PRKCG: variants seen among roughly 807,000 people sequenced by gnomAD.
The protein encoded by PRKCG is protein kinase C gamma, also known as protein kinase C gamma type.
A neutral mutation model predicts 82.0 loss-of-function variants in PRKCG; 28 were observed. That is an observed-to-expected ratio of 0.34 (90% CI 0.25 to 0.47). The LOEUF (loss-of-function observed/expected upper bound fraction) is 0.47. Ranked by LOEUF, PRKCG falls within the 20% of genes least tolerant of loss-of-function variation. The pLI is 1.00. For missense variants in PRKCG, 640 were observed against 952.7 expected, an observed-to-expected ratio of 0.67 and a Z score of 4.32; for synonymous variants, 383 against 376.6, an observed-to-expected ratio of 1.02 and a Z score of -0.20.
chr19:53,904,811 A>G, intron 16 of PRKCG, 69 bp downstream of exon 16: 1 of 1,273,774 alleles, frequency 7.9e-7, no homozygotes, highest in Admixed American at 1.9e-5. Flanking sequence ...CTCTGTGCCT[A>G]TTAGAAAAAT....
At chr19:53,894,123 T>C (rs1025241332) in intron 9 of PRKCG, among the ~76,000 whole-genome samples, 3 of 151,798 alleles carry the variant, frequency 2.0e-5, no homozygotes, top group Non-Finnish European at 4.4e-5. Flanking sequence ...TGGAGTGCAG[T>C]GGTGCGATCT....
In PRKCG at chr19:53,884,083, T is replaced by G; in HGVS notation, c.203-78T>G. 1 of 1,415,438 alleles carries G rather than the reference T, an allele frequency of 7.1e-7. No homozygotes were observed. 87.7% of individuals were successfully genotyped at this position (1,415,438 alleles called of 1,614,324 possible). A position where few individuals can be genotyped will look rare whatever the true frequency, so the allele number is the denominator to read the frequency against. On this transcript the variant is annotated intron_variant, in intron 2 of 17. Coordinates refer to ENST00000263431, the MANE Select transcript of PRKCG (RefSeq NM_002739.5). This position sits in a 1 kb window ranked among gnomAD's most constrained non-coding sequence, Gnocchi z 4.6. Reference sequence around the variant, plus strand: ...CAGTGTCCGAGTTCCGCTCTCTCTTTCCAATTTTCTGTCTGCTGGGGTCTC... The same window carrying G: ...CAGTGTCCGAGTTCCGCTCTCTCTTGCCAATTTTCTGTCTGCTGGGGTCTC...
chr19:53,890,117 G>A, intron 5 of PRKCG, 100 bp downstream of exon 5: 3 of 1,296,310 alleles, frequency 2.3e-6, no homozygotes, highest in Non-Finnish European at 2.1e-6. Flanking sequence ...CCAAAGATGG[G>A]GCCACGCCTC....
In PRKCG at chr19:53,892,364, C is replaced by A; in HGVS notation, c.687-145C>A. 7.9e-7 allele frequency: 1 copy of A among 1,268,714 alleles called. No homozygotes were observed. Among genetic ancestry groups the A allele is most frequent in the Non-Finnish European group, 1.1e-6 (1 of 921,194 alleles). 78.6% of individuals were successfully genotyped at this position (1,268,714 alleles called of 1,614,324 possible). A position where few individuals can be genotyped will look rare whatever the true frequency, so the allele number is the denominator to read the frequency against. Reference sequence around the variant, plus strand: ...AGCCCTAGCTGGAGAGAGAGCCCGGCTGGGAAGGTCAGAGGTCGGAGACCG... The same window carrying A: ...AGCCCTAGCTGGAGAGAGAGCCCGGATGGGAAGGTCAGAGGTCGGAGACCG... On this transcript the variant is annotated intron_variant, in intron 6 of 17. Coordinates refer to ENST00000263431, the MANE Select transcript of PRKCG (RefSeq NM_002739.5). The surrounding 1 kb of genome is among the most constrained non-coding windows in gnomAD (Gnocchi z 5.9).
At position 53,893,080 on chromosome 19, in the gene PRKCG, C is replaced by G; in HGVS notation, c.909+5C>G. 1 of 1,613,160 alleles carries G rather than the reference C, an allele frequency of 6.2e-7. No homozygotes were observed. On this transcript the variant is annotated splice_donor_5th_base_variant and intron_variant, in intron 8 of 17. Coordinates refer to ENST00000263431, the MANE Select transcript of PRKCG (RefSeq NM_002739.5). ...AGCCTCCTCCAGAAGTTTGAGGTAC[C>G]CAGACCCTGGCTTCCTCAAGGGAGC...
chr19:53,896,009 G>A (rs535630503), intron 9 of PRKCG, among the ~76,000 whole-genome samples: 61 of 150,536 alleles, frequency 4.1e-4, no homozygotes, highest in Non-Finnish European at 7.7e-4. Flanking sequence ...GCAATGAGCC[G>A]AGATCGTGCC....
At chr19:53,896,745 A>G (rs921908491) in intron 9 of PRKCG, among the ~76,000 whole-genome samples, 1 of 152,204 alleles carries the variant, frequency 6.6e-6, no homozygotes, top group Non-Finnish European at 1.5e-5. Context: ...TGTAGCCTCA[A>G]TGAGGTAGGC....
chr19:53,901,622 C>G (rs558766918), intron 14 of PRKCG, among the ~76,000 whole-genome samples: 1 of 145,954 alleles, frequency 6.9e-6, no homozygotes, highest in Admixed American at 6.9e-5. Flanking sequence ...GAGGCTGAGG[C>G]GGGCGGATCA....
chr19:53,898,654 T>G lies in PRKCG; in HGVS notation c.1281+26T>G, dbSNP rs41303043. 45,946 of 1,551,426 alleles carry G rather than the reference T, an allele frequency of 0.03. 4,444 individuals carry two copies. In the African/African-American group the frequency reaches 0.31, roughly 10 times the overall value. ...GTAAGGATGGAGGGGGCGGAGGCTG[T>G]CCTCCGGGCCCTGCCTTATCCAGTT... On this transcript the variant is annotated intron_variant, in intron 11 of 17. Transcript: ENST00000263431.
intron 8 of PRKCG, 121 bp from the exon 9 acceptor site, chr19:53,893,241 G>A: frequency 7.5e-7 from 1 of 1,325,516 alleles, no homozygotes; most frequent in East Asian, 2.3e-5. Flanking sequence ...CCCAGGGTCT[G>A]ATGGGAATTA....
intron 9 of PRKCG, among the ~76,000 whole-genome samples, chr19:53,895,487 CAA>C (rs760577483): frequency 5.2e-3 from 330 of 62,872 alleles, no homozygotes; most frequent in African/African-American, 0.014. Flanking sequence ...GACTCTGTCT[CAA>C]AAAAAAAAAA....
In PRKCG at chr19:53,907,127, C is replaced by G; in HGVS notation, c.*232C>G. ...AGACTTGAGCGGAGCCCGATATTCT[C>G]CCTGACCTTAGCGTTCTGGACTCTG... On this transcript the variant is annotated 3_prime_UTR_variant, in exon 18 of 18. Coordinates refer to ENST00000263431, the MANE Select transcript of PRKCG (RefSeq NM_002739.5). 1.0e-6 allele frequency: 1 copy of G among 989,824 alleles called. No homozygotes were observed. The highest frequency in any genetic ancestry group is 1.5e-6 in the Non-Finnish European group (1 of 687,660). 61.3% of individuals were successfully genotyped at this position (989,824 alleles called of 1,614,324 possible).
At chr19:53,899,264 GA>G (rs2068744828) in intron 11 of PRKCG, among the ~76,000 whole-genome samples, 1 of 152,164 alleles carries the variant, frequency 6.6e-6, no homozygotes, top group East Asian at 1.9e-4. Flanking sequence ...CTCTTGGGGG[GA>G]GTGGCCAGAT....
chr19:53,906,727 C>CT lies in PRKCG; in HGVS notation c.1929dup (p.Asp644Ter). ...CACAGTGTGGCCGCAGCGGCGAGAA[C>CT]TTTGACAAGTTCTTCACGCGGGCGG... On this transcript the variant is annotated frameshift_variant, in exon 18 of 18. Transcript: ENST00000263431. LOFTEE classifies it high-confidence loss of function. 6.2e-7 allele frequency: 1 copy of CT among 1,613,144 alleles called. No homozygotes were observed. Among genetic ancestry groups the CT allele is most frequent in the Non-Finnish European group, 8.5e-7 (1 of 1,180,016 alleles).
At chr19:53,904,241 C>G (rs139842513) in intron 15 of PRKCG, among the ~76,000 whole-genome samples, 285 of 151,754 alleles carry the variant, frequency 1.9e-3, no homozygotes, top group African/African-American at 6.6e-3. Flanking sequence ...AAATCTTTGC[C>G]TTGGTATCAT....
chr19:53,882,287 C>G lies in PRKCG; in HGVS notation c.-208C>G. On this transcript the variant is annotated 5_prime_UTR_variant, in exon 1 of 18. Transcript: ENST00000263431. The surrounding 1 kb of genome is among the most constrained non-coding windows in gnomAD (Gnocchi z 6.1). Reference sequence around the variant, plus strand: ...CCCTGCCTTTGGCTCTTCCTCCCCACTCGCCCGCTCCCCCTGGCGGAGCCG... The same window carrying G: ...CCCTGCCTTTGGCTCTTCCTCCCCAGTCGCCCGCTCCCCCTGGCGGAGCCG... 1.4e-6 allele frequency: 1 copy of G among 692,822 alleles called. No individual in the cohort carries two copies. Among genetic ancestry groups the G allele is most frequent in the Non-Finnish European group, 2.4e-6 (1 of 418,572 alleles). The allele number at this position is 692,822 out of a possible 1,614,324, so 42.9% of individuals were successfully genotyped here.
intron 16 of PRKCG, among the ~76,000 whole-genome samples, chr19:53,905,768 C>G (rs1305201099): frequency 5.6e-5 from 7 of 125,314 alleles, no homozygotes; most frequent in African/African-American, 1.8e-4. Context: ...CCCCGTCCCT[C>G]TCTCCCCTTC....
At chr19:53,903,040 G>A (rs747214794) in intron 14 of PRKCG, 33 bp from the exon 15 acceptor site, 16 of 1,554,100 alleles carry the variant, frequency 1.0e-5, no homozygotes, top group Admixed American at 1.7e-5. Context: ...CCTAAAGAAC[G>A]CATCATGATT....
chr19:53,889,595 G>A lies in PRKCG; in HGVS notation c.286-43G>A. 1 of 1,514,486 alleles carries A rather than the reference G, an allele frequency of 6.6e-7. No homozygotes were observed. Among genetic ancestry groups the A allele is most frequent in the Non-Finnish European group, 9.2e-7 (1 of 1,091,002 alleles). The allele number at this position is 1,514,486 out of a possible 1,614,324, so 93.8% of individuals were successfully genotyped here. A position where few individuals can be genotyped will look rare whatever the true frequency, so the allele number is the denominator to read the frequency against. ...AAAGGGCCCCTCCCCTGGGGTTTTA[G>A]GACCCTCCCAACGCCCCCTAAGCCA... On this transcript the variant is annotated intron_variant, in intron 3 of 17. Transcript: ENST00000263431. The surrounding 1 kb of genome is among the most constrained non-coding windows in gnomAD (Gnocchi z 4.4).
Sources: gnomAD v4.1 joint callset for allele counts (sites outside exome capture counted in the v4.1 genomes callset) on GRCh38, gnomAD v4.1.1 for gene constraint, Gnocchi (gnomAD v3.1) non-coding constraint, MANE v1.5 for transcripts, NCBI Gene and HGNC (gene_info 2026-07-23, HGNC 2026-07-21) for gene names.